The following CCDC91 variants were observed in gnomAD, a reference collection of about 807,000 sequenced individuals.
CCDC91 encodes the protein coiled-coil domain-containing protein 91.
CCDC91 carries 48 observed loss-of-function variants against 63.2 expected under a neutral mutation model. The observed-to-expected ratio is 0.76, with a 90% CI of 0.60 to 0.97. The LOEUF (loss-of-function observed/expected upper bound fraction) is 0.97, where lower values mean the gene tolerates loss of function less well. Among genes scored for constraint, CCDC91 ranks in the 50% least tolerant of loss-of-function variants. CCDC91 has a pLI of 0.00. For missense variants in CCDC91, 500 were observed against 494.6 expected (o/e 1.01, Z -0.10); for synonymous variants, 167 against 165.8 (o/e 1.01, Z -0.06).
At chr12:28,413,276 C>A (rs1446089809) in intron 8 of CCDC91, among the ~76,000 whole-genome samples, 1 of 152,090 alleles carries the variant, frequency 6.6e-6, no homozygotes, top group Non-Finnish European at 1.5e-5. Flanking sequence ...TCCTTTCCAA[C>A]TAAGAGCCTG....
chr12:28,398,636 G>A (rs189448250), intron 8 of CCDC91, among the ~76,000 whole-genome samples: 23 of 152,166 alleles, frequency 1.5e-4, no homozygotes, highest in Non-Finnish European at 2.6e-4. Flanking sequence ...CACTATCAAT[G>A]TATGAGAATT....
intron 12 of CCDC91, among the ~76,000 whole-genome samples, chr12:28,534,406 C>G (rs183507215): frequency 2.6e-5 from 4 of 152,188 alleles, no homozygotes; most frequent in Non-Finnish European, 4.4e-5. Flanking sequence ...ATATAAGGAA[C>G]CTTGTAGAGG....
chr12:28,372,776 CAG>C (rs767203965), intron 7 of CCDC91, among the ~76,000 whole-genome samples: 2 of 152,114 alleles, frequency 1.3e-5, no homozygotes, highest in Non-Finnish European at 2.9e-5. Context: ...CATTGGCAAA[CAG>C]AGATAGTTCA....
At chr12:28,304,077 G>A (rs1938378156) in intron 3 of CCDC91, among the ~76,000 whole-genome samples, 1 of 151,842 alleles carries the variant, frequency 6.6e-6, no homozygotes, top group Admixed American at 6.6e-5. Flanking sequence ...CTGTATTTGA[G>A]TTAAAGAATT....
chr12:28,364,762 G>A (rs1944164162), intron 7 of CCDC91, among the ~76,000 whole-genome samples: 1 of 152,126 alleles, frequency 6.6e-6, no homozygotes, highest in Non-Finnish European at 1.5e-5. Flanking sequence ...ATGAATGTAG[G>A]ATCAGGAAGA....
At chr12:28,193,048 C>T (rs1454348868) in intron 1 of CCDC91, among the ~76,000 whole-genome samples, 1 of 152,140 alleles carries the variant, frequency 6.6e-6, no homozygotes, top group Non-Finnish European at 1.5e-5. Context: ...TTTGATTCAT[C>T]CATGTTGATG....
At chr12:28,392,848 T>C (rs181978474) in intron 8 of CCDC91, among the ~76,000 whole-genome samples, 8 of 152,324 alleles carry the variant, frequency 5.3e-5, no homozygotes, top group Admixed American at 5.2e-4. Flanking sequence ...ATGTGGTCCC[T>C]TTTGACCTGA....
intron 3 of CCDC91, among the ~76,000 whole-genome samples, chr12:28,295,399 C>A (rs1949508098): frequency 6.6e-6 from 1 of 151,858 alleles, no homozygotes; most frequent in South Asian, 2.1e-4. Flanking sequence ...TTATTGAACA[C>A]CTTTGATATA....
At chr12:28,409,124 T>C (rs906363120) in intron 8 of CCDC91, among the ~76,000 whole-genome samples, 2 of 152,170 alleles carry the variant, frequency 1.3e-5, no homozygotes, top group Non-Finnish European at 2.9e-5. Context: ...TCTAATACAA[T>C]GTTTAAATAG....
chr12:28,297,235 T>G (rs2136924994), intron 3 of CCDC91, among the ~76,000 whole-genome samples: 1 of 152,004 alleles, frequency 6.6e-6, no homozygotes, highest in Non-Finnish European at 1.5e-5. Flanking sequence ...TATTTAGAAT[T>G]AATAAGAGTT....
chr12:28,469,175 A>G (rs1950687686), intron 11 of CCDC91, among the ~76,000 whole-genome samples: 1 of 152,048 alleles, frequency 6.6e-6, no homozygotes, highest in South Asian at 2.1e-4. Context: ...ATGATTTTAT[A>G]TTTGGAAAAA....
At chr12:28,333,294 C>G (rs1400617873) in intron 6 of CCDC91, among the ~76,000 whole-genome samples, 19 of 150,740 alleles carry the variant, frequency 1.3e-4, no homozygotes, top group African/African-American at 4.6e-4. Context: ...GCTCGGGAGG[C>G]TGAGGCAGGA....
At chr12:28,275,793 C>T (rs1271449767) in intron 3 of CCDC91, among the ~76,000 whole-genome samples, 1 of 152,108 alleles carries the variant, frequency 6.6e-6, no homozygotes, top group Admixed American at 6.6e-5. Context: ...GGGCTTCATC[C>T]CTGGGATGCA....
intron 8 of CCDC91, among the ~76,000 whole-genome samples, chr12:28,437,581 G>A (rs1948976757): frequency 6.6e-6 from 1 of 151,856 alleles, no homozygotes; most frequent in Non-Finnish European, 1.5e-5. Context: ...TCAATATTAT[G>A]TACTGGTCTT....
chr12:28,386,112 C>G (rs11830239), intron 7 of CCDC91, among the ~76,000 whole-genome samples: 2,106 of 152,188 alleles, frequency 0.014, 15 homozygotes, highest in African/African-American at 0.02. Flanking sequence ...GATCTCTGGT[C>G]GGTACCAAAT....
chr12:28,195,932 G>A (rs7310901), intron 1 of CCDC91, among the ~76,000 whole-genome samples: 9,169 of 152,064 alleles, frequency 0.06, 307 homozygotes, highest in South Asian at 0.14. Flanking sequence ...TGGCAAAACC[G>A]CATCTCTACA....
Position 28,305,723 on chromosome 12 carries a change from C to T in CCDC91, c.184C>T (p.Leu62Phe). The T allele has an allele frequency of 6.2e-7, 1 of 1,613,232 alleles. No homozygotes were observed. Among genetic ancestry groups the T allele is most frequent in the East Asian group, 2.2e-5 (1 of 44,832 alleles). ...TGACCACTCTTCTTCCATTGGCTGC[C>T]TCTCTTCTGATGCCATTATTTCATC... ...DRDHSSSIGC[L>F]SSDAIISSPE... is the part of the protein sequence containing the mutation. The change falls in exon 4 of 13, where the codon CTC (leucine) becomes TTC (phenylalanine). Residue 62 changes from leucine (L) to phenylalanine (F), a missense_variant. Coordinates refer to ENST00000536442, the MANE Select transcript of CCDC91 (RefSeq NM_018318.5).
At position 28,280,659 on chromosome 12, in the gene CCDC91, T is replaced by C. The variant is rs528020029; in HGVS notation, c.109+21217T>C. Among the ~76,000 whole-genome samples the C allele has an allele frequency of 1.4e-4, 21 of 152,212 alleles. No individual in the cohort carries two copies. The South Asian group carries it at 4.4e-3, about 32-fold the overall frequency. ...TTAAAGATAATTGCTAATTAATGAT[T>C]AGTGAGTTACTAAACCTTTTATTGA... On this transcript the variant is annotated intron_variant, in intron 3 of 12. Transcript: ENST00000536442.
At chr12:28,448,760 T>C (rs1186748893) in intron 8 of CCDC91, among the ~76,000 whole-genome samples, 1 of 152,116 alleles carries the variant, frequency 6.6e-6, no homozygotes, top group African/African-American at 2.4e-5. Flanking sequence ...TATGTTTACC[T>C]CTTCCCAAGC....
Sources: allele counts gnomAD v4.1 joint callset (sites outside exome capture counted in the v4.1 genomes callset), GRCh38; gene constraint gnomAD v4.1.1; transcripts MANE v1.5; gene names NCBI Gene and HGNC (gene_info 2026-07-23, HGNC 2026-07-21).